The following MAML3 variants were observed in gnomAD, a reference collection of about 807,000 sequenced individuals.
MAML3 encodes mastermind-like protein 3.
Under a neutral mutation model 101.9 loss-of-function variants are expected in MAML3, and 27 were observed. The observed-to-expected ratio is 0.27, with a 90% confidence interval of 0.20 to 0.37. The LOEUF (loss-of-function observed/expected upper bound fraction) is 0.37. Ranked by LOEUF, MAML3 falls within the 10% of genes least tolerant of loss-of-function variation. The pLI is 1.00. For synonymous variants in MAML3, 501 were observed against 555.9 expected, an observed-to-expected ratio of 0.90 and a Z score of 1.39; for missense variants, 1,316 against 1,444.9, an observed-to-expected ratio of 0.91 and a Z score of 1.45.
intron 1 of MAML3, among the ~76,000 whole-genome samples, chr4:139,914,133 T>C (rs181695314): frequency 8.3e-4 from 127 of 152,270 alleles, no homozygotes; most frequent in East Asian, 5.2e-3. Flanking sequence ...AGTAAAAGTA[T>C]CACAGTTCCA....
chr4:139,802,049 T>C (rs1435256889), intron 2 of MAML3, among the ~76,000 whole-genome samples: 1 of 152,194 alleles, frequency 6.6e-6, no homozygotes, highest in African/African-American at 2.4e-5. Context: ...TCTTTGGCTA[T>C]AGGGTTTCAA....
Position 139,888,888 on chromosome 4 carries a change from C to A in MAML3, c.2079+469G>T, listed in dbSNP as rs77758239. 3.3e-3 allele frequency among the ~76,000 whole-genome samples: 510 copies of A among 152,258 alleles called. 7 individuals are homozygous for A. Among genetic ancestry groups the A allele is most frequent in the African/African-American group, 0.012 (488 of 41,550 alleles). On this transcript the variant is annotated intron_variant, in intron 2 of 4. Coordinates refer to ENST00000509479, the MANE Select transcript of MAML3 (RefSeq NM_018717.5). ...TCTCCTATATTTGAATATCAACAAGCCAAATTTCCCATTATTCATAATTCA... is the reference window on the plus strand; with the variant it reads ...TCTCCTATATTTGAATATCAACAAGACAAATTTCCCATTATTCATAATTCA...
Position 139,736,019 on chromosome 4 carries a change from T to A in MAML3, c.2080-5352A>T, listed in dbSNP as rs548475167. ...GCTGGGAAGGACACGAGGACAGAGA[T>A]GAGGATTGTTCGTGGCAGGAAAGAG... On this transcript the variant is annotated intron_variant, in intron 2 of 4. Transcript: ENST00000509479. Among the ~76,000 whole-genome samples, 5 of 152,256 alleles carry A rather than the reference T, an allele frequency of 3.3e-5. No individual in the cohort carries two copies. The East Asian group carries it at 9.6e-4, about 29-fold the overall frequency.
At chr4:140,056,838 C>G (rs1005049381) in intron 1 of MAML3, among the ~76,000 whole-genome samples, 2 of 151,964 alleles carry the variant, frequency 1.3e-5, no homozygotes, top group Non-Finnish European at 2.9e-5. Flanking sequence ...CTATCCCACT[C>G]TAAGTCTTCT....
intron 1 of MAML3, among the ~76,000 whole-genome samples, chr4:139,986,893 A>C (rs1578630016): frequency 6.6e-6 from 1 of 152,370 alleles, no homozygotes; most frequent in East Asian, 1.9e-4. Flanking sequence ...ACAAACAGCC[A>C]TGATGGATTA....
At chr4:140,088,507 T>C (rs1727993993) in intron 1 of MAML3, among the ~76,000 whole-genome samples, 1 of 152,232 alleles carries the variant, frequency 6.6e-6, no homozygotes, top group Admixed American at 6.5e-5. Flanking sequence ...GCCTTCCTCA[T>C]TTCTGCCCAG....
chr4:140,018,364 G>T lies in MAML3; in HGVS notation c.469-127397C>A, dbSNP rs532661276. 4.6e-4 allele frequency among the ~76,000 whole-genome samples: 70 copies of T among 152,178 alleles called. 1 individual carries two copies. The South Asian group carries it at 0.014, about 31-fold the overall frequency. ...CTACTCATGGAAAGATCAAACAAAA[G>T]CATAAACTATAATATTTTTGTAGCA... is the stretch of plus-strand genomic sequence containing the variant. On this transcript the variant is annotated intron_variant, in intron 1 of 4. Coordinates refer to ENST00000509479, the MANE Select transcript of MAML3 (RefSeq NM_018717.5).
At chr4:139,784,336 A>G (rs1352170229) in intron 2 of MAML3, among the ~76,000 whole-genome samples, 1 of 152,186 alleles carries the variant, frequency 6.6e-6, no homozygotes, top group Non-Finnish European at 1.5e-5. Flanking sequence ...TCCTGTTTCT[A>G]AAACCATCTT....
chr4:140,002,024 A>G (rs1734932820), intron 1 of MAML3, among the ~76,000 whole-genome samples: 1 of 148,172 alleles, frequency 6.7e-6, no homozygotes, highest in Non-Finnish European at 1.5e-5. Context: ...GCTAATTAAC[A>G]TATGCATTAC....
chr4:140,152,875 G>C lies in MAML3; in HGVS notation c.453C>G (p.Asn151Lys), dbSNP rs770623156. ...DAEAASAEQRNHTLIMLQETV... is the reference protein window; with the variant it reads ...DAEAASAEQRKHTLIMLQETV... ...GCGCCCTCACCATGATCAGCGTGTG[G>C]TTCCTCTGCTCCGCCGAGGCAGCCT... The change falls in exon 1 of 5, where the codon AAC becomes AAG. Residue 151 changes from asparagine to lysine, a missense_variant. Asn to Lys is a moderately conservative substitution (Grantham distance 94). Transcript: ENST00000509479. The C allele has an allele frequency of 6.2e-7, 1 of 1,611,608 alleles. No homozygotes were observed. The highest frequency in any genetic ancestry group is 8.5e-7 in the Non-Finnish European group (1 of 1,179,438).
At chr4:140,121,841 C>T (rs986285688) in intron 1 of MAML3, among the ~76,000 whole-genome samples, 1 of 152,166 alleles carries the variant, frequency 6.6e-6, no homozygotes, top group Non-Finnish European at 1.5e-5. Context: ...CTGTAGTTCC[C>T]ATGATCCCCA....
At chr4:139,854,657 G>A (rs1731622801) in intron 2 of MAML3, among the ~76,000 whole-genome samples, 1 of 81,792 alleles carries the variant, frequency 1.2e-5, no homozygotes, top group African/African-American at 2.8e-5. Context: ...TGGCAACAGG[G>A]AGAGCACGAC....
chr4:139,852,816 T>C (rs1191859926), intron 2 of MAML3, among the ~76,000 whole-genome samples: 1 of 152,216 alleles, frequency 6.6e-6, no homozygotes, highest in Non-Finnish European at 1.5e-5. Context: ...ATTCTGGTTA[T>C]GTCTCTGCCT....
At chr4:139,760,588 C>T (rs891243841) in intron 2 of MAML3, among the ~76,000 whole-genome samples, 1 of 152,166 alleles carries the variant, frequency 6.6e-6, no homozygotes, top group African/African-American at 2.4e-5. Flanking sequence ...GTATACAGAA[C>T]ACCAAGGCGC....
chr4:139,842,369 A>T (rs1161870741), intron 2 of MAML3, among the ~76,000 whole-genome samples: 1 of 152,248 alleles, frequency 6.6e-6, no homozygotes, highest in East Asian at 1.9e-4. Flanking sequence ...GATTTTACAT[A>T]CAAGGAAACT....
chr4:139,783,675 A>G (rs1470782647), intron 2 of MAML3, among the ~76,000 whole-genome samples: 1 of 152,134 alleles, frequency 6.6e-6, no homozygotes, highest in East Asian at 1.9e-4. Flanking sequence ...TGACCATGCA[A>G]ATCTGGGGAT....
rs570085260 is a variant in MAML3 at position 139,942,007 on chromosome 4, C to T, written c.469-51040G>A. On this transcript the variant is annotated intron_variant, in intron 1 of 4. Transcript: ENST00000509479. Reference sequence around the variant, plus strand: ...AACATTAGCTGGGCATGGTGGCAGGCGCCTGTGATCCCAGCTACTCCAGAG... The same window carrying T: ...AACATTAGCTGGGCATGGTGGCAGGTGCCTGTGATCCCAGCTACTCCAGAG... Among the ~76,000 whole-genome samples the T allele has an allele frequency of 5.5e-4, 84 of 152,152 alleles. 1 individual carries two copies. The South Asian group carries it at 8.9e-3, about 16-fold the overall frequency.
At chr4:139,727,175 G>A (rs1005790655) in intron 3 of MAML3, among the ~76,000 whole-genome samples, 4 of 152,260 alleles carry the variant, frequency 2.6e-5, no homozygotes, top group Admixed American at 2.6e-4. Flanking sequence ...TACAAGGCCA[G>A]CCAGTATTCT....
chr4:139,935,379 A>G (rs769676), intron 1 of MAML3, among the ~76,000 whole-genome samples: 49,894 of 152,018 alleles, frequency 0.33, 9,322 homozygotes, highest in African/African-American at 0.51. Flanking sequence ...AAAGTTATAA[A>G]TAAATAACAT....
Sources: allele counts gnomAD v4.1 joint callset (sites outside exome capture counted in the v4.1 genomes callset), GRCh38; gene constraint gnomAD v4.1.1; transcripts MANE v1.5; gene names NCBI Gene and HGNC (gene_info 2026-07-23, HGNC 2026-07-21).